Variants in PCID2 observed in about 807,000 individuals in gnomAD.
PCID2 encodes the protein PCI domain containing 2, also known as PCI domain-containing protein 2.
PCID2 carries 41 observed loss-of-function variants against 61.3 expected under a neutral mutation model. The observed-to-expected ratio is 0.67, with a 90% confidence interval of 0.52 to 0.87. The LOEUF (loss-of-function observed/expected upper bound fraction) is 0.87, where lower values mean the gene tolerates loss of function less well. PCID2 is among the 40% of genes least tolerant of loss of function. PCID2 has a pLI of 0.00. For missense variants in PCID2, 392 were observed against 493.4 expected (o/e 0.79, Z 1.95); for synonymous variants, 187 against 177.8 (o/e 1.05, Z -0.41).
chr13:113,202,404 T>G (rs1380760411), intron 1 of PCID2, among the ~76,000 whole-genome samples: 2 of 152,190 alleles, frequency 1.3e-5, no homozygotes, highest in African/African-American at 2.4e-5. Flanking sequence ...TGCCAGGAAC[T>G]TACAACTAGA....
chr13:113,205,549 T>C (rs1424312116), intron 1 of PCID2, among the ~76,000 whole-genome samples: 1 of 152,168 alleles, frequency 6.6e-6, no homozygotes, highest in Non-Finnish European at 1.5e-5. Context: ...TGCGCAAGAA[T>C]GTTCACAGCA....
chr13:113,183,265 G>A (rs976112344), intron 9 of PCID2, among the ~76,000 whole-genome samples: 4 of 152,128 alleles, frequency 2.6e-5, no homozygotes, highest in African/African-American at 9.7e-5. Flanking sequence ...CTCTAAAGAT[G>A]TCAGAAACTA....
At chr13:113,172,893 G>A (rs1349051861), downstream of PCID2, among the ~76,000 whole-genome samples, 2 of 152,182 alleles carry the variant, frequency 1.3e-5, no homozygotes, top group Non-Finnish European at 2.9e-5. Context: ...CTGATGGGCA[G>A]CTAGGGCAAC....
chr13:113,173,929 T>G (rs1351895112), downstream of PCID2, among the ~76,000 whole-genome samples: 2 of 152,172 alleles, frequency 1.3e-5, no homozygotes, highest in Non-Finnish European at 2.9e-5. Context: ...GTGGAAGCCC[T>G]GCTTGAAAAC....
rs1245918247 is a variant in PCID2, at chr13:113,207,841, C to T, written c.36+758G>A. Among the ~76,000 whole-genome samples the T allele has an allele frequency of 2.0e-5, 3 of 152,324 alleles. No individual in the cohort carries two copies. In the East Asian group the frequency reaches 5.8e-4, roughly 29 times the overall value. On this transcript the variant is annotated intron_variant, in intron 1 of 13. Transcript: ENST00000337344. The stretch of plus-strand genomic sequence containing the variant: ...TTCTTAACTCCTCCGTGTCCCTCAG[C>T]CCACCCATTCTTATTCACCACGTCT...
intron 1 of PCID2, 140 bp from the exon 2 acceptor site, chr13:113,200,656 C>A: frequency 1.8e-6 from 1 of 559,766 alleles, no homozygotes; most frequent in Non-Finnish European, 3.2e-6. Context: ...CAAAATGTAA[C>A]AGATGGTCAC....
rs142096456 is a variant in PCID2, at chr13:113,193,784, G to A, written c.363+1287C>T. ...CTATTTCCTTGTTGAGACTTTAAAT[G>A]TTTTCATTTGTTTCAAGCATGTTCT... On this transcript the variant is annotated intron_variant, in intron 6 of 13. Coordinates refer to ENST00000337344, the MANE Select transcript of PCID2 (RefSeq NM_001127202.4). Among the ~76,000 whole-genome samples the A allele has an allele frequency of 1.7e-3, 257 of 152,144 alleles. 1 individual carries two copies. Among genetic ancestry groups the A allele is most frequent in the African/African-American group, 6.1e-3 (252 of 41,514 alleles).
At chr13:113,176,326 GACTAA>G (rs1231827240), downstream of PCID2, among the ~76,000 whole-genome samples, 7 of 152,252 alleles carry the variant, frequency 4.6e-5, no homozygotes, top group Non-Finnish European at 7.3e-5. Flanking sequence ...CAGTGCTGGG[GACTAA>G]ACTGTGTCCC....
At chr13:113,173,939 C>G (rs1302675968), downstream of PCID2, among the ~76,000 whole-genome samples, 1 of 152,146 alleles carries the variant, frequency 6.6e-6, no homozygotes, top group African/African-American at 2.4e-5. Context: ...TGCTTGAAAA[C>G]TATTCCAGTC....
intron 9 of PCID2, chr13:113,183,938 T>G (rs2037871039): frequency 4.1e-6 from 4 of 985,394 alleles, no homozygotes; most frequent in Non-Finnish European, 4.8e-6. Flanking sequence ...TGCTTCTAAG[T>G]CATCTCCATG....
At chr13:113,166,416 G>T in the PCID2 span, 1 of 152,122 alleles carries the variant, frequency 6.6e-6, no homozygotes, top group East Asian at 1.9e-4. Flanking sequence ...ACAGCCTCAG[G>T]GGCCCCCCTT....
At chr13:113,172,091 C>T in the PCID2 span, 1 of 1,612,678 alleles carries the variant, frequency 6.2e-7, no homozygotes, top group Non-Finnish European at 8.5e-7. Flanking sequence ...CTGGTTTAAA[C>T]AGATCATGAA....
intron 4 of PCID2, 178 bp downstream of exon 4, chr13:113,197,000 C>G: frequency 6.4e-7 from 1 of 1,554,472 alleles, no homozygotes; most frequent in Non-Finnish European, 8.9e-7. Flanking sequence ...GTCTTCAGAT[C>G]CATGCTAAAT....
At chr13:113,181,695 A>G (rs968446313) in intron 9 of PCID2, among the ~76,000 whole-genome samples, 3 of 152,244 alleles carry the variant, frequency 2.0e-5, no homozygotes, top group Non-Finnish European at 4.4e-5. Context: ...TAGTGATCAT[A>G]TATCTTCCAT....
chr13:113,194,937 T>G (rs1035256398), intron 6 of PCID2, 134 bp downstream of exon 6: 4 of 674,548 alleles, frequency 5.9e-6, no homozygotes, highest in African/African-American at 1.8e-5. Flanking sequence ...ATATCTTTCT[T>G]TTGCTCCCTA....
At chr13:113,197,648 C>A (rs1323749272) in intron 3 of PCID2, among the ~76,000 whole-genome samples, 3 of 152,178 alleles carry the variant, frequency 2.0e-5, no homozygotes, top group Non-Finnish European at 4.4e-5. Flanking sequence ...ACAAGGAACA[C>A]GGTGGTGCCC....
rs1393306213 is a variant in PCID2 at position 113,177,571 on chromosome 13, A to T, written c.*627T>A. 1.3e-5 allele frequency: 2 copies of T among 152,250 alleles called. No individual in the cohort carries two copies. Among genetic ancestry groups the T allele is most frequent in the Non-Finnish European group, 2.9e-5 (2 of 68,042 alleles). 9.4% of individuals were successfully genotyped at this position (152,250 alleles called of 1,614,324 possible). On this transcript the variant is annotated 3_prime_UTR_variant, in exon 14 of 14. Transcript: ENST00000337344. ...GGTGTATTAAATGTATTTTCAATTT[A>T]AGATGGTTTTTTAAAAGAAATTTTT...
chr13:113,172,258 G>A, the PCID2 span: 6 of 1,038,356 alleles, frequency 5.8e-6, no homozygotes, highest in South Asian at 1.4e-5. Flanking sequence ...CAGAGCCGCC[G>A]TTTGCTGGGT....
intron 6 of PCID2, among the ~76,000 whole-genome samples, chr13:113,193,547 T>C (rs1049758765): frequency 1.3e-5 from 2 of 152,238 alleles, no homozygotes; most frequent in Non-Finnish European, 2.9e-5. Flanking sequence ...GTATTTTGTT[T>C]TGGAAATATA....
Sources: gnomAD v4.1 joint callset for allele counts (sites outside exome capture counted in the v4.1 genomes callset) on GRCh38, gnomAD v4.1.1 for gene constraint, MANE v1.5 for transcripts, NCBI Gene and HGNC (gene_info 2026-07-23, HGNC 2026-07-21) for gene names.